The following PACS1 variants were observed in gnomAD, a reference collection of about 807,000 sequenced individuals.
PACS1 encodes the protein phosphofurin acidic cluster sorting protein 1.
A neutral mutation model predicts 115.0 loss-of-function variants in PACS1; 24 were observed. That is an observed-to-expected ratio of 0.21 (90% CI 0.15 to 0.29). PACS1 has a LOEUF of 0.29. Ranked by LOEUF, PACS1 falls within the 10% of genes least tolerant of loss-of-function variation. The pLI is 1.00. For missense variants in PACS1, 838 were observed against 1,251.2 expected, an observed-to-expected ratio of 0.67 and a Z score of 4.98; for synonymous variants, 453 against 504.5, an observed-to-expected ratio of 0.90 and a Z score of 1.37.
rs1259417738 is a variant in PACS1 at position 66,070,304 on chromosome 11, G to A, written c.-183G>A. 4.9e-5 allele frequency: 9 copies of A among 185,028 alleles called. No individual in the cohort carries two copies. The highest frequency in any genetic ancestry group is 2.2e-4 in the African/African-American group (9 of 41,746). The allele number at this position is 185,028 out of a possible 1,614,324, so 11.5% of individuals were successfully genotyped here. On this transcript the variant is annotated 5_prime_UTR_variant, in exon 1 of 24. Transcript: ENST00000320580. This position sits in a 1 kb window ranked among gnomAD's most constrained non-coding sequence, Gnocchi z 5.9. ...TCGGCCTCGCGAGCCGCAACAGGCA[G>A]CGGCGGTCGAGCGCGAGGCCCGCGC...
intron 3 of PACS1, 35 bp from the exon 4 acceptor site, chr11:66,211,099 A>G (rs1298669754): frequency 6.2e-7 from 1 of 1,610,920 alleles, no homozygotes; most frequent in East Asian, 2.2e-5. Context: ...CCAGCTGCCC[A>G]TTAACCACGC....
At position 66,188,147 on chromosome 11, in the gene PACS1, T is replaced by G. The variant is rs1349561032; in HGVS notation, c.357-5339T>G. On this transcript the variant is annotated intron_variant, in intron 1 of 23. Transcript: ENST00000320580. ...ATGTCTGTTCAGATCGTTTGGCGAT[T>G]TTTTTAATCGGATTTTTTTTTTTTT... Among the ~76,000 whole-genome samples, 3 of 150,718 alleles carry G rather than the reference T, an allele frequency of 2.0e-5. No homozygotes were observed. In the East Asian group the frequency reaches 5.8e-4, roughly 29 times the overall value.
intron 13 of PACS1, chr11:66,231,809 C>T (rs1855600993): frequency 4.2e-6 from 1 of 236,478 alleles, no homozygotes; most frequent in East Asian, 1.1e-4. Context: ...TCTCTGAGCA[C>T]CTGCTGGCCG....
chr11:66,220,454 T>C (rs1855316671), intron 8 of PACS1, 177 bp from the exon 9 acceptor site: 2 of 618,378 alleles, frequency 3.2e-6, no homozygotes, highest in Middle Eastern at 4.4e-4. Context: ...GGCCTCACCA[T>C]GTCCCCGCCC....
Position 66,162,112 on chromosome 11 carries a change from G to GTT in PACS1, c.357-31344_357-31343dup, listed in dbSNP as rs58980906. 5.1e-3 allele frequency among the ~76,000 whole-genome samples: 290 copies of GTT among 56,368 alleles called. 39 individuals are homozygous for GTT. The East Asian group carries it at 0.054, about 10-fold the overall frequency. 37.0% of individuals were successfully genotyped at this position (56,368 alleles called of 152,430 possible). On this transcript the variant is annotated intron_variant, in intron 1 of 23. Transcript: ENST00000320580. ...ATGTTTTCTGTTGGTGGTGGTGGTG[G>GTT]TTTTTTTTTTTTTTTTTTTTTTTTT...
At chr11:66,191,689 GATTT>G (rs1319130653) in intron 1 of PACS1, among the ~76,000 whole-genome samples, 1 of 152,192 alleles carries the variant, frequency 6.6e-6, no homozygotes, top group Non-Finnish European at 1.5e-5. Context: ...CAAAGAAAGA[GATTT>G]ATTTGTTTTT....
At chr11:66,103,174 G>T (rs537626663) in intron 1 of PACS1, among the ~76,000 whole-genome samples, 1 of 152,128 alleles carries the variant, frequency 6.6e-6, no homozygotes, top group East Asian at 1.9e-4. Flanking sequence ...AATGATAAAC[G>T]TCCTTAAGAT....
intron 11 of PACS1, among the ~76,000 whole-genome samples, chr11:66,227,910 A>T (rs1855499605): frequency 6.6e-6 from 1 of 152,032 alleles, no homozygotes; most frequent in Admixed American, 6.5e-5. Context: ...TCCTCATTGG[A>T]TGTTGCTGTT....
In PACS1 at chr11:66,216,279, C is replaced by T; in HGVS notation, c.805+16C>T. On this transcript the variant is annotated intron_variant, in intron 5 of 23. Transcript: ENST00000320580. ...AAGCTTTCTGGTAAGAAGCATGCAG[C>T]ATCTGGAGACCCTACGAAGAGGGAG... 6.2e-7 allele frequency: 1 copy of T among 1,613,636 alleles called. No homozygotes were observed. The highest frequency in any genetic ancestry group is 1.6e-4 in the Middle Eastern group (1 of 6,062).
chr11:66,089,802 C>T (rs189466021), intron 1 of PACS1, among the ~76,000 whole-genome samples: 2 of 151,816 alleles, frequency 1.3e-5, no homozygotes, highest in Non-Finnish European at 2.9e-5. Flanking sequence ...GTCAGGAGAT[C>T]GAGACCATCC....
In PACS1 at chr11:66,233,802, C is replaced by G. The variant is rs1381043679; in HGVS notation, c.1856C>G (p.Ser619Cys). ...RIQRYCNCNS[S>C]MPRPVKVAAV... ...CTCCCCAGCTGCAACTGCAACTCTT[C>G]CATGCCGAGGCCAGTGAAGGTGGCT... Residue 619 changes from serine (S) to cysteine (C), a missense_variant, in exon 16 of 24, where the codon TCC becomes TGC. Around this residue, in one of 6 missense-constraint regions of PACS1, gnomAD observed 383 missense variants for 537.0 expected, o/e 0.71. Coordinates refer to ENST00000320580, the MANE Select transcript of PACS1 (RefSeq NM_018026.4). This position sits in a 1 kb window ranked among gnomAD's most constrained non-coding sequence, Gnocchi z 4.5. 1.2e-6 allele frequency: 2 copies of G among 1,613,748 alleles called. No individual in the cohort carries two copies. Among genetic ancestry groups the G allele is most frequent in the Non-Finnish European group, 1.7e-6 (2 of 1,179,880 alleles).
intron 2 of PACS1, among the ~76,000 whole-genome samples, chr11:66,197,547 A>G (rs1854677420): frequency 6.6e-6 from 1 of 152,198 alleles, no homozygotes; most frequent in South Asian, 2.1e-4. Context: ...TAATCCCAGC[A>G]CTTTAGGAGG....
chr11:66,138,918 T>G (rs541180819), intron 1 of PACS1, among the ~76,000 whole-genome samples: 14 of 151,424 alleles, frequency 9.2e-5, no homozygotes, highest in African/African-American at 3.1e-4. Flanking sequence ...CTTGACCTCA[T>G]GATCCGCCCG....
intron 1 of PACS1, among the ~76,000 whole-genome samples, chr11:66,097,467 G>A (rs558194432): frequency 6.6e-6 from 1 of 152,292 alleles, no homozygotes; most frequent in South Asian, 2.1e-4. Context: ...AAGGAATTGA[G>A]TGTTGCCAAC....
intron 2 of PACS1, among the ~76,000 whole-genome samples, chr11:66,204,730 T>C (rs1234463296): frequency 6.6e-6 from 1 of 152,182 alleles, no homozygotes; most frequent in Non-Finnish European, 1.5e-5. Context: ...TGTTCTCACT[T>C]ACTTCTGGGA....
intron 1 of PACS1, among the ~76,000 whole-genome samples, chr11:66,117,460 C>A (rs1315595965): frequency 5.7e-4 from 74 of 130,048 alleles, no homozygotes; most frequent in South Asian, 7.5e-4. Context: ...AACTCCATCT[C>A]AAAAAAAAAA....
chr11:66,136,398 T>C (rs1018136992), intron 1 of PACS1, among the ~76,000 whole-genome samples: 5 of 151,798 alleles, frequency 3.3e-5, no homozygotes, highest in South Asian at 2.1e-4. Flanking sequence ...GCAGGAGTTA[T>C]GATTTAACAA....
At position 66,234,167 on chromosome 11, in the gene PACS1, G is replaced by A. The variant is rs530357572; in HGVS notation, c.2029G>A (p.Asp677Asn). The part of the protein sequence containing the change: ...HPVAKYLGSV[D>N]SKYSSSFLDS... ...TGTGGCCAAATACTTGGGGTCAGTC[G>A]ACAGTAAATACAGTAGTTCCTTCCT... The change falls in exon 17 of 24, where the codon GAC becomes AAC. Residue 677 changes from aspartate (D) to asparagine (N), a missense_variant. Physicochemically the swap from Asp to Asn is conservative, Grantham distance 23. Around this residue, in one of 6 missense-constraint regions of PACS1, gnomAD observed 383 missense variants for 537.0 expected, o/e 0.71. Coordinates refer to ENST00000320580, the MANE Select transcript of PACS1 (RefSeq NM_018026.4). 1.2e-6 allele frequency: 2 copies of A among 1,613,894 alleles called. No homozygotes were observed. The highest frequency in any genetic ancestry group is 1.3e-5 in the African/African-American group (1 of 74,912).
chr11:66,081,321 A>G (rs1047460747), intron 1 of PACS1, among the ~76,000 whole-genome samples: 1 of 152,186 alleles, frequency 6.6e-6, no homozygotes, highest in African/African-American at 2.4e-5. Context: ...TTTGTTATTA[A>G]CACATGTTAA....
Sources: allele counts gnomAD v4.1 joint callset (sites outside exome capture counted in the v4.1 genomes callset), GRCh38; gene constraint gnomAD v4.1.1; regional missense constraint gnomAD v4.1.1; non-coding constraint Gnocchi (gnomAD v3.1); transcripts MANE v1.5; gene names NCBI Gene and HGNC (gene_info 2026-07-23, HGNC 2026-07-21).